UBE2QL1: variants seen among roughly 807,000 people sequenced by gnomAD.
The protein encoded by UBE2QL1 is ubiquitin-conjugating enzyme E2Q-like protein 1.
UBE2QL1 carries 5 observed loss-of-function variants against 12.6 expected under a neutral mutation model. That is an observed-to-expected ratio of 0.40 (90% confidence interval 0.21 to 0.83). The LOEUF (loss-of-function observed/expected upper bound fraction) is 0.83, where lower values mean the gene tolerates loss of function less well. Among genes scored for constraint, UBE2QL1 ranks in the 40% least tolerant of loss-of-function variants. UBE2QL1 has a pLI of 0.37. For missense variants in UBE2QL1, 99 were observed against 222.6 expected (o/e 0.44, Z 3.53); for synonymous variants, 96 against 94.5 (o/e 1.02, Z -0.10).
Position 6,449,228 on chromosome 5 carries a change from C to T in UBE2QL1, c.335C>T (p.Ala112Val), listed in dbSNP as rs544533412. The T allele has an allele frequency of 2.1e-6, 3 of 1,454,942 alleles. No homozygotes were observed. The highest frequency in any genetic ancestry group is 2.7e-5 in the South Asian group (2 of 74,198). The allele number at this position is 1,454,942 out of a possible 1,614,324, so 90.1% of individuals were successfully genotyped here. A position where few individuals can be genotyped will look rare whatever the true frequency, so the allele number is the denominator to read the frequency against. Residue 112 changes from alanine to valine, a missense_variant, in exon 1 of 2, where the codon GCC (alanine) becomes GTC (valine). Ala to Val is a moderately conservative substitution (Grantham distance 64). Transcript: ENST00000399816. ...TVEAVMRQFA[A>V]SLVKGQGRIC... ...GAGGCCGTCATGCGCCAGTTCGCAGCCAGCCTGGTCAAGGGCCAGGTAAGG... is the reference window on the plus strand; with the variant it reads ...GAGGCCGTCATGCGCCAGTTCGCAGTCAGCCTGGTCAAGGGCCAGGTAAGG...
chr5:6,467,722 CT>C (rs1739826934), intron 1 of UBE2QL1, among the ~76,000 whole-genome samples: 1 of 152,156 alleles, frequency 6.6e-6, no homozygotes, highest in African/African-American at 2.4e-5. Context: ...TCCTGTTTGT[CT>C]TTGCCGGGGG....
chr5:6,461,456 A>C (rs1056069266), intron 1 of UBE2QL1, among the ~76,000 whole-genome samples: 1 of 150,418 alleles, frequency 6.6e-6, no homozygotes, highest in Non-Finnish European at 1.5e-5. Flanking sequence ...TGATTTTCCC[A>C]TAGTTTAGAA....
intron 1 of UBE2QL1, among the ~76,000 whole-genome samples, chr5:6,470,617 A>G (rs1048966577): frequency 1.3e-5 from 2 of 152,154 alleles, no homozygotes; most frequent in African/African-American, 4.8e-5. Flanking sequence ...ATCTTTTCTC[A>G]TAAGGTCCCT....
At position 6,492,235 on chromosome 5, in the gene UBE2QL1, T is replaced by C. The variant is rs1734586490; in HGVS notation, c.*886T>C. On this transcript the variant is annotated 3_prime_UTR_variant, in exon 2 of 2. Transcript: ENST00000399816. Reference sequence around the variant, plus strand: ...ACCAAAAGCAAAAGATGATTTCCCATTCACTGCAGTCATCTGACTCATTTT... The same window carrying C: ...ACCAAAAGCAAAAGATGATTTCCCACTCACTGCAGTCATCTGACTCATTTT... The C allele has an allele frequency of 6.6e-6, 1 of 152,242 alleles. No homozygotes were observed. Among genetic ancestry groups the C allele is most frequent in the Non-Finnish European group, 1.5e-5 (1 of 68,044 alleles). 9.4% of individuals were successfully genotyped at this position (152,242 alleles called of 1,614,324 possible). A position where few individuals can be genotyped will look rare whatever the true frequency, so the allele number is the denominator to read the frequency against.
Position 6,476,153 on chromosome 5 carries a change from C to G in UBE2QL1, c.355-15065C>G, listed in dbSNP as rs1444806584. ...AGGGAGCTTTCCAGTGGCACTGGGG[C>G]TCCCTTATTCCTAGGAGGCGGGGCC... On this transcript the variant is annotated intron_variant, in intron 1 of 1. Transcript: ENST00000399816. This position sits in a 1 kb window ranked among gnomAD's most constrained non-coding sequence, Gnocchi z 4.9. Among the ~76,000 whole-genome samples, 1 of 151,738 alleles carries G rather than the reference C, an allele frequency of 6.6e-6. No homozygotes were observed. The highest frequency in any genetic ancestry group is 1.5e-5 in the Non-Finnish European group (1 of 67,920).
Position 6,491,665 on chromosome 5 carries a change from T to C in UBE2QL1, c.*316T>C, listed in dbSNP as rs1734572631. On this transcript the variant is annotated 3_prime_UTR_variant, in exon 2 of 2. Coordinates refer to ENST00000399816, the MANE Select transcript of UBE2QL1 (RefSeq NM_001145161.3). Reference sequence around the variant, plus strand: ...CCGGTCACATTGCCCTGAGCTTCTTTCCATGACAGCAGCTCCGACGAGCCG... The same window carrying C: ...CCGGTCACATTGCCCTGAGCTTCTTCCCATGACAGCAGCTCCGACGAGCCG... The C allele has an allele frequency of 5.1e-6, 1 of 194,232 alleles. No homozygotes were observed. The highest frequency in any genetic ancestry group is 5.8e-5 in the Admixed American group (1 of 17,306). The allele number at this position is 194,232 out of a possible 1,614,324, so 12.0% of individuals were successfully genotyped here. A position where few individuals can be genotyped will look rare whatever the true frequency, so the allele number is the denominator to read the frequency against.
At chr5:6,467,222 C>T (rs1739817135) in intron 1 of UBE2QL1, among the ~76,000 whole-genome samples, 1 of 152,016 alleles carries the variant, frequency 6.6e-6, no homozygotes, top group Non-Finnish European at 1.5e-5. Context: ...TCCTTCCATT[C>T]AGCTGTGACT....
At chr5:6,464,413 C>T (rs996759613) in intron 1 of UBE2QL1, among the ~76,000 whole-genome samples, 1 of 152,224 alleles carries the variant, frequency 6.6e-6, no homozygotes, top group African/African-American at 2.4e-5. Flanking sequence ...GCTCCCAGTG[C>T]ATTCCCATAG....
At chr5:6,480,166 G>A (rs1734330450) in intron 1 of UBE2QL1, among the ~76,000 whole-genome samples, 2 of 152,222 alleles carry the variant, frequency 1.3e-5, no homozygotes, top group South Asian at 4.1e-4. Flanking sequence ...CTGAGAGCTG[G>A]CCTGGCCTTG....
chr5:6,485,167 G>GCA lies in UBE2QL1; in HGVS notation c.355-6041_355-6040dup, dbSNP rs202193794. Among the ~76,000 whole-genome samples the GCA allele has an allele frequency of 9.4e-3, 1,423 of 152,094 alleles. 27 individuals are homozygous for GCA. Among genetic ancestry groups the GCA allele is most frequent in the African/African-American group, 0.033 (1,354 of 41,488 alleles). ...ATTACTCGTGCACATGCTCACATAT[G>GCA]CACACACACACCCCCAGGCTCACAA... is the stretch of plus-strand genomic sequence containing the variant. On this transcript the variant is annotated intron_variant, in intron 1 of 1. Coordinates refer to ENST00000399816, the MANE Select transcript of UBE2QL1 (RefSeq NM_001145161.3).
rs1734612737 is a variant in UBE2QL1, at chr5:6,493,307, C to T, written c.*1958C>T. 6.6e-6 allele frequency: 1 copy of T among 152,250 alleles called. No homozygotes were observed. The highest frequency in any genetic ancestry group is 6.5e-5 in the Admixed American group (1 of 15,284). The allele number at this position is 152,250 out of a possible 1,614,324, so 9.4% of individuals were successfully genotyped here. A position where few individuals can be genotyped will look rare whatever the true frequency, so the allele number is the denominator to read the frequency against. On this transcript the variant is annotated 3_prime_UTR_variant, in exon 2 of 2. Transcript: ENST00000399816. The stretch of plus-strand genomic sequence containing the variant: ...GGAGATGAAAGACCTAGGACAGAAA[C>T]ATCTTGCTAGGGAAAGCACCTGAGT...
chr5:6,489,896 G>A lies in UBE2QL1; in HGVS notation c.355-1322G>A, dbSNP rs146013890. Among the ~76,000 whole-genome samples, 272 of 152,356 alleles carry A rather than the reference G, an allele frequency of 1.8e-3. 1 individual carries two copies. The highest frequency in any genetic ancestry group is 6.0e-3 in the African/African-American group (250 of 41,588). ...CTGGTCCCCATTCACATCCCAGTAC[G>A]TGCCCACAGTTGTGCTGTAGCACCA... On this transcript the variant is annotated intron_variant, in intron 1 of 1. Transcript: ENST00000399816.
chr5:6,496,354 C>T lies in UBE2QL1; in HGVS notation c.*5005C>T, dbSNP rs1024965323. On this transcript the variant is annotated 3_prime_UTR_variant, in exon 2 of 2. Transcript: ENST00000399816. ...ATTGAACTAACACAGAAACTGCTGT[C>T]ACCTGATGTGCTTGGTTTCATTCCT... 6.6e-6 allele frequency among the ~76,000 whole-genome samples: 1 copy of T among 152,220 alleles called. No individual in the cohort carries two copies. The highest frequency in any genetic ancestry group is 2.4e-5 in the African/African-American group (1 of 41,466).
chr5:6,450,002 G>A lies in UBE2QL1; in HGVS notation c.354+755G>A, dbSNP rs139204719. ...TGCCTTCTTCTGGGCTGCCTCTCCT[G>A]GAAAGGTGGAAATTTTGCTCTTGGG... On this transcript the variant is annotated intron_variant, in intron 1 of 1. Transcript: ENST00000399816. Among the ~76,000 whole-genome samples, 166 of 151,826 alleles carry A rather than the reference G, an allele frequency of 1.1e-3. 3 individuals are homozygous for A. The highest frequency in any genetic ancestry group is 3.7e-3 in the African/African-American group (151 of 41,366).
chr5:6,495,114 G>T lies in UBE2QL1; in HGVS notation c.*3765G>T, dbSNP rs1469169748. Among the ~76,000 whole-genome samples the T allele has an allele frequency of 2.6e-5, 4 of 152,018 alleles. No individual in the cohort carries two copies. Among genetic ancestry groups the T allele is most frequent in the South Asian group, 2.1e-4 (1 of 4,814 alleles). On this transcript the variant is annotated 3_prime_UTR_variant, in exon 2 of 2. Coordinates refer to ENST00000399816, the MANE Select transcript of UBE2QL1 (RefSeq NM_001145161.3). Reference sequence around the variant, plus strand: ...AGGTGTAGAAATGGGAGGGGCTGAGGGCACCTTGAAAGGGAGCGTGGACTC... The same window carrying T: ...AGGTGTAGAAATGGGAGGGGCTGAGTGCACCTTGAAAGGGAGCGTGGACTC...
intron 1 of UBE2QL1, among the ~76,000 whole-genome samples, chr5:6,487,436 A>G (rs1734486475): frequency 6.6e-6 from 1 of 152,224 alleles, no homozygotes; most frequent in African/African-American, 2.4e-5. Context: ...ATAAATATAC[A>G]CTTAACCATG....
In UBE2QL1 at chr5:6,481,742, C is replaced by A. The variant is rs1734366802; in HGVS notation, c.355-9476C>A. ...GTGGCCTCTGCCAGGCCCTCGCCAT[C>A]TTCTCTGGACCATGACAATAACCTA... On this transcript the variant is annotated intron_variant, in intron 1 of 1. Coordinates refer to ENST00000399816, the MANE Select transcript of UBE2QL1 (RefSeq NM_001145161.3). This position sits in a 1 kb window ranked among gnomAD's most constrained non-coding sequence, Gnocchi z 4.5. 6.6e-6 allele frequency among the ~76,000 whole-genome samples: 1 copy of A among 152,232 alleles called. No individual in the cohort carries two copies. Among genetic ancestry groups the A allele is most frequent in the African/African-American group, 2.4e-5 (1 of 41,452 alleles).
intron 1 of UBE2QL1, among the ~76,000 whole-genome samples, chr5:6,452,025 G>A (rs567615302): frequency 2.6e-5 from 4 of 152,186 alleles, no homozygotes; most frequent in South Asian, 4.2e-4. Flanking sequence ...TCTTTTTTAG[G>A]ATGCATTTTC....
intron 1 of UBE2QL1, among the ~76,000 whole-genome samples, chr5:6,474,737 C>T (rs1402766976): frequency 2.0e-5 from 3 of 152,138 alleles, no homozygotes; most frequent in Non-Finnish European, 4.4e-5. Flanking sequence ...GCTTGAGCAC[C>T]TGAGAGGGGC....
Sources: allele counts gnomAD v4.1 joint callset (sites outside exome capture counted in the v4.1 genomes callset), GRCh38; gene constraint gnomAD v4.1.1; non-coding constraint Gnocchi (gnomAD v3.1); transcripts MANE v1.5; gene names NCBI Gene and HGNC (gene_info 2026-07-23, HGNC 2026-07-21).